ARL15: variants seen among roughly 807,000 people sequenced by gnomAD.
ARL15 encodes ARF like GTPase 15.
In ARL15, 19 loss-of-function variants were observed where a neutral mutation model predicts 25.2. That is an observed-to-expected ratio of 0.75 (90% CI 0.53 to 1.10). The LOEUF is 1.10. Ranked by LOEUF, ARL15 falls within the 50% of genes least tolerant of loss-of-function variation. ARL15 has a pLI of 0.00. For missense variants in ARL15, 220 were observed against 246.0 expected (o/e 0.89, Z 0.71); for synonymous variants, 94 against 86.8 (o/e 1.08, Z -0.46).
intron 4 of ARL15, among the ~76,000 whole-genome samples, chr5:54,011,795 G>T (rs1026580858): frequency 6.6e-6 from 1 of 152,116 alleles, no homozygotes; most frequent in African/African-American, 2.4e-5. Context: ...CGGATCTCGA[G>T]GTCAAGAGAT....
chr5:53,893,467 G>A (rs560768298), intron 4 of ARL15, among the ~76,000 whole-genome samples: 12 of 152,218 alleles, frequency 7.9e-5, no homozygotes, highest in African/African-American at 2.9e-4. Context: ...AATTAGCAGG[G>A]CGTGGTGGTG....
intron 4 of ARL15, among the ~76,000 whole-genome samples, chr5:54,071,155 G>T (rs1232353183): frequency 6.9e-6 from 1 of 145,290 alleles, no homozygotes; most frequent in Non-Finnish European, 1.5e-5. Flanking sequence ...AGATGACAAC[G>T]TGAGACCCTG....
chr5:53,935,611 T>C (rs892240005), intron 4 of ARL15, among the ~76,000 whole-genome samples: 5 of 152,114 alleles, frequency 3.3e-5, no homozygotes, highest in Admixed American at 2.6e-4. Context: ...TACTTCAAGG[T>C]TTTCTGGATT....
chr5:53,888,599 C>A (rs1387282224), intron 4 of ARL15, among the ~76,000 whole-genome samples: 1 of 152,154 alleles, frequency 6.6e-6, no homozygotes, highest in Non-Finnish European at 1.5e-5. Context: ...AGGATTCTTG[C>A]TTACTGAAAA....
At chr5:54,123,195 T>C (rs979970718) in intron 3 of ARL15, among the ~76,000 whole-genome samples, 3 of 151,802 alleles carry the variant, frequency 2.0e-5, no homozygotes, top group Non-Finnish European at 2.9e-5. Context: ...CTGCAACCTC[T>C]GCCTCCCGGG....
chr5:54,012,665 C>T (rs886450438), intron 4 of ARL15, among the ~76,000 whole-genome samples: 2 of 151,956 alleles, frequency 1.3e-5, no homozygotes, highest in African/African-American at 2.4e-5. Flanking sequence ...CCTGGGATTA[C>T]AGGCATGTAC....
chr5:54,258,591 C>T (rs1757424977), intron 1 of ARL15, among the ~76,000 whole-genome samples: 1 of 152,104 alleles, frequency 6.6e-6, no homozygotes, highest in Non-Finnish European at 1.5e-5. Flanking sequence ...CCATACTGTC[C>T]CTAGAATAGC....
chr5:54,010,333 A>T (rs1345383383), intron 4 of ARL15, among the ~76,000 whole-genome samples: 1 of 152,242 alleles, frequency 6.6e-6, no homozygotes, highest in Non-Finnish European at 1.5e-5. Flanking sequence ...TACAAATTTA[A>T]GACTTCCAAA....
chr5:53,955,029 CTT>C (rs1747101079), intron 4 of ARL15, among the ~76,000 whole-genome samples: 1 of 151,468 alleles, frequency 6.6e-6, no homozygotes, highest in Admixed American at 6.6e-5. Flanking sequence ...TTTAGATTAA[CTT>C]AATAACAATG....
intron 4 of ARL15, among the ~76,000 whole-genome samples, chr5:54,056,855 C>G (rs1035156387): frequency 6.6e-6 from 1 of 152,006 alleles, no homozygotes; most frequent in African/African-American, 2.4e-5. Context: ...CAATTCCCTC[C>G]TGAGTATACG....
At chr5:54,224,803 T>TA (rs574004287) in intron 1 of ARL15, among the ~76,000 whole-genome samples, 82 of 152,114 alleles carry the variant, frequency 5.4e-4, no homozygotes, top group South Asian at 5.0e-3. Context: ...GCCAATGTTT[T>TA]AAAAAAAATA....
chr5:54,162,054 C>T (rs1271372562), intron 2 of ARL15, among the ~76,000 whole-genome samples: 1 of 150,634 alleles, frequency 6.6e-6, no homozygotes, highest in Non-Finnish European at 1.5e-5. Context: ...CTATGAACAA[C>T]CAAAAGAATT....
Position 53,953,453 on chromosome 5 carries a change from T to C in ARL15, c.463-66740A>G, listed in dbSNP as rs570182350. On this transcript the variant is annotated intron_variant, in intron 4 of 4. Transcript: ENST00000504924. ...AGCAAAGTAGATTGAGTTGTTTGTA[T>C]ATGCCCTTTCCTAATATCACTATTT... Among the ~76,000 whole-genome samples, 9 of 152,358 alleles carry C rather than the reference T, an allele frequency of 5.9e-5. No homozygotes were observed. The South Asian group carries it at 1.9e-3, about 32-fold the overall frequency.
At chr5:54,046,015 C>A (rs1461052846) in intron 4 of ARL15, among the ~76,000 whole-genome samples, 1 of 152,060 alleles carries the variant, frequency 6.6e-6, no homozygotes, top group Non-Finnish European at 1.5e-5. Context: ...AAGAATAGTT[C>A]AAAATATCTA....
At chr5:53,994,157 A>G (rs958041030) in intron 4 of ARL15, among the ~76,000 whole-genome samples, 5 of 152,182 alleles carry the variant, frequency 3.3e-5, no homozygotes, top group African/African-American at 9.7e-5. Flanking sequence ...TTACTTTTAA[A>G]CATTCCGTCA....
intron 4 of ARL15, among the ~76,000 whole-genome samples, chr5:54,037,429 T>A (rs1750203765): frequency 6.6e-6 from 1 of 152,122 alleles, no homozygotes; most frequent in Admixed American, 6.5e-5. Context: ...AGTAAATACA[T>A]GAATGAAATG....
At chr5:54,026,131 A>C (rs1385927871) in intron 4 of ARL15, among the ~76,000 whole-genome samples, 1 of 152,216 alleles carries the variant, frequency 6.6e-6, no homozygotes, top group Non-Finnish European at 1.5e-5. Flanking sequence ...TTTTAGACTG[A>C]CTAGCTTGTT....
At chr5:54,164,877 T>G (rs1484890606) in intron 2 of ARL15, among the ~76,000 whole-genome samples, 1 of 152,002 alleles carries the variant, frequency 6.6e-6, no homozygotes, top group Non-Finnish European at 1.5e-5. Flanking sequence ...TTATTGATGT[T>G]TAGGTTTGAC....
In ARL15 at chr5:54,188,227, G is replaced by GA. The variant is rs553970068; in HGVS notation, c.49-16300dup. On this transcript the variant is annotated intron_variant, in intron 1 of 4. Transcript: ENST00000504924. The stretch of plus-strand genomic sequence containing the variant: ...CTAACAAACTCAGCTTTCCCAAAAG[G>GA]AAAAAAACCTGAAGGCTCACAGTAA... Among the ~76,000 whole-genome samples the GA allele has an allele frequency of 3.1e-4, 47 of 152,154 alleles. No homozygotes were observed. The South Asian group carries it at 9.3e-3, about 30-fold the overall frequency.
Sources: allele counts gnomAD v4.1 joint callset (sites outside exome capture counted in the v4.1 genomes callset), GRCh38; gene constraint gnomAD v4.1.1; transcripts MANE v1.5; gene names NCBI Gene and HGNC (gene_info 2026-07-23, HGNC 2026-07-21).